Variants in ESR1 observed in about 807,000 individuals in gnomAD.
ESR1 encodes estrogen receptor.
A neutral mutation model predicts 52.7 loss-of-function variants in ESR1; 12 were observed. The observed-to-expected ratio is 0.23, with a 90% CI of 0.15 to 0.37. The LOEUF (loss-of-function observed/expected upper bound fraction) is 0.37, where lower values mean the gene tolerates loss of function less well. ESR1 is among the 10% of genes least tolerant of loss of function. ESR1 has a pLI of 1.00. For missense variants in ESR1, 584 were observed against 779.7 expected, an observed-to-expected ratio of 0.75 and a Z score of 2.99; for synonymous variants, 305 against 316.8, an observed-to-expected ratio of 0.96 and a Z score of 0.39.
At chr6:151,921,405 G>A (rs1472070484) in intron 3 of ESR1, among the ~76,000 whole-genome samples, 1 of 152,130 alleles carries the variant, frequency 6.6e-6, no homozygotes, top group African/African-American at 2.4e-5. Flanking sequence ...ATGCATACAT[G>A]TATCTTTGTA....
intron 2 of ESR1, among the ~76,000 whole-genome samples, chr6:151,865,043 A>T (rs111955077): frequency 0.038 from 5,836 of 151,924 alleles, 144 homozygotes; most frequent in Non-Finnish European, 0.057. Flanking sequence ...CATATGTAAC[A>T]AACCTGCACA....
At chr6:151,866,075 A>C (rs1355834639) in intron 2 of ESR1, among the ~76,000 whole-genome samples, 2 of 152,252 alleles carry the variant, frequency 1.3e-5, no homozygotes, top group Non-Finnish European at 2.9e-5. Flanking sequence ...ATATTCACAC[A>C]GTTCTTTGTC....
intron 2 of ESR1, among the ~76,000 whole-genome samples, chr6:151,734,892 C>T (rs1167913793): frequency 7.2e-5 from 11 of 151,908 alleles, no homozygotes; most frequent in African/African-American, 2.7e-4. Context: ...AAAGTGCTGG[C>T]ATTACTGGCA....
intron 2 of ESR1, among the ~76,000 whole-genome samples, chr6:151,792,129 A>G (rs1229079133): frequency 2.6e-5 from 4 of 152,200 alleles, no homozygotes; most frequent in African/African-American, 9.7e-5. Flanking sequence ...CTATAAAATA[A>G]TGGTAAGTAT....
intron 2 of ESR1, among the ~76,000 whole-genome samples, chr6:151,764,938 GAACAGTGCTGTACAATGGA>G (rs963049819): frequency 5.3e-5 from 8 of 152,042 alleles, no homozygotes; most frequent in African/African-American, 9.7e-5. Context: ...TAGAAAAATA[GAACAGTGCTGTACAATGGA>G]AACAGTGCTG....
intron 4 of ESR1, among the ~76,000 whole-genome samples, chr6:151,959,551 A>G (rs1481756624): frequency 6.6e-6 from 1 of 152,042 alleles, no homozygotes; most frequent in East Asian, 1.9e-4. Flanking sequence ...GGAGGCTCCT[A>G]CCTCCACCAG....
At chr6:151,997,424 C>T (rs1450830943) in intron 4 of ESR1, among the ~76,000 whole-genome samples, 1 of 152,116 alleles carries the variant, frequency 6.6e-6, no homozygotes, top group African/African-American at 2.4e-5. Flanking sequence ...ATGCTTTTTA[C>T]ACTCTGATAA....
At chr6:151,725,701 A>C (rs896735822) in intron 2 of ESR1, among the ~76,000 whole-genome samples, 8 of 152,234 alleles carry the variant, frequency 5.3e-5, no homozygotes, top group African/African-American at 1.9e-4. Context: ...CACATTTGTA[A>C]ATGCATATTG....
Position 152,100,191 on chromosome 6 carries a change from T to G in ESR1, c.*1225T>G. Reference sequence around the variant, plus strand: ...CTGGGGTAGTCCAGCTCTTCTTCATTTCCCAGCGTGGCCCTGGTTGGAAGA... The same window carrying G: ...CTGGGGTAGTCCAGCTCTTCTTCATGTCCCAGCGTGGCCCTGGTTGGAAGA... On this transcript the variant is annotated 3_prime_UTR_variant, in exon 8 of 8. Coordinates refer to ENST00000206249, the MANE Select transcript of ESR1 (RefSeq NM_000125.4). 2.5e-6 allele frequency: 1 copy of G among 396,508 alleles called. No individual in the cohort carries two copies. The highest frequency in any genetic ancestry group is 4.4e-6 in the Non-Finnish European group (1 of 224,986). 24.6% of individuals were successfully genotyped at this position (396,508 alleles called of 1,614,324 possible).
chr6:152,092,455 G>C (rs568085174), intron 6 of ESR1, among the ~76,000 whole-genome samples: 5 of 151,124 alleles, frequency 3.3e-5, no homozygotes, highest in Admixed American at 1.3e-4. Flanking sequence ...TCCCATACCC[G>C]ACCTACAAAC....
At chr6:151,686,707 A>ACCAC (rs1389720478), upstream of ESR1, among the ~76,000 whole-genome samples, 22 of 151,198 alleles carry the variant, frequency 1.5e-4, no homozygotes, top group East Asian at 5.9e-4. Context: ...CAACCAACCA[A>ACCAC]CCAACCAACC....
intron 6 of ESR1, among the ~76,000 whole-genome samples, chr6:152,083,268 T>C (rs943292384): frequency 2.0e-5 from 3 of 152,120 alleles, no homozygotes; most frequent in Admixed American, 6.5e-5. Flanking sequence ...AAAATAGATA[T>C]ATAGACTAAT....
intron 2 of ESR1, among the ~76,000 whole-genome samples, chr6:151,706,620 G>A (rs929597372): frequency 2.0e-5 from 3 of 152,092 alleles, no homozygotes; most frequent in Non-Finnish European, 2.9e-5. Flanking sequence ...GCTGTGCCAC[G>A]AGAGCACACC....
chr6:152,098,847 G>A lies in ESR1; in HGVS notation c.1669G>A (p.Gly557Arg), dbSNP rs2152506845. The change falls in exon 8 of 8, where the codon GGG (glycine) becomes AGG (arginine). Residue 557 changes from glycine to arginine, a missense_variant. Gly to Arg is a moderately radical substitution (Grantham distance 125, BLOSUM62 -2). Around this residue, in one of 6 missense-constraint regions of ESR1, gnomAD observed 71 missense variants for 66.1 expected, o/e 1.07. Transcript: ENST00000206249. This position sits in a 1 kb window ranked among gnomAD's most constrained non-coding sequence, Gnocchi z 5.1. ...HRLHAPTSRG[G>R]ASVEETDQSH... ...CCTACATGCGCCCACTAGCCGTGGA[G>A]GGGCATCCGTGGAGGAGACGGACCA... 2.5e-6 allele frequency: 4 copies of A among 1,614,206 alleles called. No homozygotes were observed. Among genetic ancestry groups the A allele is most frequent in the South Asian group, 1.1e-5 (1 of 91,078 alleles).
At chr6:152,018,594 G>C (rs1356873595) in intron 5 of ESR1, among the ~76,000 whole-genome samples, 1 of 152,036 alleles carries the variant, frequency 6.6e-6, no homozygotes, top group Non-Finnish European at 1.5e-5. Flanking sequence ...GGGGTGTTGG[G>C]GGTGGAAGGA....
intron 1 of ESR1, among the ~76,000 whole-genome samples, chr6:151,684,424 C>G (rs946778772): frequency 1.3e-5 from 2 of 152,094 alleles, no homozygotes; most frequent in African/African-American, 2.4e-5. Flanking sequence ...GATGATTAAT[C>G]GGGAACATAA....
chr6:152,041,306 T>C (rs1034781069), intron 5 of ESR1, among the ~76,000 whole-genome samples: 1 of 152,214 alleles, frequency 6.6e-6, no homozygotes, highest in African/African-American at 2.4e-5. Context: ...TCTGGACCTG[T>C]TGCAGAGCCT....
chr6:152,095,761 C>G (rs187391593), intron 7 of ESR1, among the ~76,000 whole-genome samples: 49 of 152,318 alleles, frequency 3.2e-4, no homozygotes, highest in Non-Finnish European at 6.0e-4. Flanking sequence ...AACTTACACT[C>G]TGTTCTTCCC....
intron 4 of ESR1, among the ~76,000 whole-genome samples, chr6:151,960,094 A>G (rs552583592): frequency 6.6e-6 from 1 of 152,250 alleles, no homozygotes; most frequent in African/African-American, 2.4e-5. Context: ...GAATCTCCAC[A>G]CTTAAAAAAA....
Sources: gnomAD v4.1 joint callset for allele counts (sites outside exome capture counted in the v4.1 genomes callset) on GRCh38, gnomAD v4.1.1 for gene constraint, gnomAD v4.1.1 regional missense constraint, Gnocchi (gnomAD v3.1) non-coding constraint, MANE v1.5 for transcripts, NCBI Gene and HGNC (gene_info 2026-07-23, HGNC 2026-07-21) for gene names.